The following NOL4 variants were observed in gnomAD, a reference collection of about 807,000 sequenced individuals.
NOL4 encodes cancer/testis antigen 125.
NOL4 carries 17 observed loss-of-function variants against 75.9 expected under a neutral mutation model. The observed-to-expected ratio is 0.22, with a 90% CI of 0.15 to 0.34. NOL4 has a LOEUF of 0.34. Among genes scored for constraint, NOL4 ranks in the 10% least tolerant of loss-of-function variants. The pLI, the probability that NOL4 is intolerant of heterozygous loss-of-function variation, is 1.00. For synonymous variants in NOL4, 292 were observed against 289.9 expected (o/e 1.01, Z -0.07); for missense variants, 614 against 793.5 (o/e 0.77, Z 2.72).
At chr18:34,066,454 T>A (rs2077278156) in intron 5 of NOL4, among the ~76,000 whole-genome samples, 1 of 151,978 alleles carries the variant, frequency 6.6e-6, no homozygotes, top group African/African-American at 2.4e-5. Context: ...TTAAATTTGC[T>A]ATGAAGAGAA....
chr18:34,153,888 T>C (rs2029874095), intron 1 of NOL4, among the ~76,000 whole-genome samples: 1 of 151,918 alleles, frequency 6.6e-6, no homozygotes, highest in African/African-American at 2.4e-5. Flanking sequence ...CAGCAGGAAG[T>C]AAAAGTGAAA....
At chr18:33,950,220 A>ATT (rs566082010) in intron 8 of NOL4, among the ~76,000 whole-genome samples, 1 of 150,984 alleles carries the variant, frequency 6.6e-6, no homozygotes, top group African/African-American at 2.4e-5. Context: ...ATCAAGTGTA[A>ATT]TTTTTTTTTA....
intron 5 of NOL4, among the ~76,000 whole-genome samples, chr18:34,040,103 T>C (rs1285949230): frequency 6.6e-6 from 1 of 151,978 alleles, no homozygotes; most frequent in Non-Finnish European, 1.5e-5. Flanking sequence ...TGCAATCACA[T>C]TGTAAGTTGA....
chr18:33,974,759 A>G (rs1467115928), intron 6 of NOL4, among the ~76,000 whole-genome samples: 1 of 151,766 alleles, frequency 6.6e-6, no homozygotes, highest in Non-Finnish European at 1.5e-5. Flanking sequence ...TAAATTTGCA[A>G]AAAAAAAATT....
chr18:34,165,997 T>C (rs2032286266), intron 1 of NOL4, among the ~76,000 whole-genome samples: 1 of 152,050 alleles, frequency 6.6e-6, no homozygotes, highest in Non-Finnish European at 1.5e-5. Flanking sequence ...AGAATAAAAA[T>C]TTACAAAATA....
intron 10 of NOL4, among the ~76,000 whole-genome samples, chr18:33,871,227 G>C (rs948873284): frequency 6.6e-6 from 1 of 151,994 alleles, no homozygotes; most frequent in Non-Finnish European, 1.5e-5. Context: ...AGGGAAAAAC[G>C]AAGACACATT....
chr18:33,966,709 C>CA (rs1191600697), intron 6 of NOL4, among the ~76,000 whole-genome samples: 4 of 151,768 alleles, frequency 2.6e-5, no homozygotes, highest in Non-Finnish European at 4.4e-5. Flanking sequence ...AGCTGAGAGC[C>CA]AAATCAAGAA....
chr18:34,210,228 C>T (rs917375447), intron 1 of NOL4, among the ~76,000 whole-genome samples: 1 of 152,136 alleles, frequency 6.6e-6, no homozygotes, highest in Non-Finnish European at 1.5e-5. Flanking sequence ...AAGTGTATAA[C>T]CCTTCCAAGA....
intron 9 of NOL4, among the ~76,000 whole-genome samples, chr18:33,930,101 G>A (rs532126336): frequency 6.6e-6 from 1 of 152,164 alleles, no homozygotes; most frequent in South Asian, 2.1e-4. Flanking sequence ...TACTAAATAT[G>A]ATATTATGTG....
chr18:34,013,327 G>A (rs1332308011), intron 6 of NOL4, among the ~76,000 whole-genome samples: 2 of 151,518 alleles, frequency 1.3e-5, no homozygotes, highest in African/African-American at 4.8e-5. Flanking sequence ...ACCTTACTAA[G>A]GCAAGTCTTA....
chr18:33,901,027 T>A (rs1375204758), intron 9 of NOL4, among the ~76,000 whole-genome samples: 3 of 152,198 alleles, frequency 2.0e-5, no homozygotes, highest in African/African-American at 4.8e-5. Flanking sequence ...TGCAAGTTCA[T>A]GTGAATTTAG....
intron 1 of NOL4, among the ~76,000 whole-genome samples, chr18:34,190,630 A>G (rs891130226): frequency 2.0e-5 from 3 of 151,900 alleles, no homozygotes; most frequent in African/African-American, 4.8e-5. Flanking sequence ...TAAATTGAGT[A>G]GAACAGGTCA....
At position 33,912,056 on chromosome 18, in the gene NOL4, TA is replaced by T. The variant is rs1480752913; in HGVS notation, c.1543-28633del. Among the ~76,000 whole-genome samples the T allele has an allele frequency of 2.0e-5, 3 of 152,228 alleles. No homozygotes were observed. In the East Asian group the frequency reaches 5.8e-4, roughly 29 times the overall value. Reference sequence around the variant, plus strand: ...ACTTTAGTCAATTCTCTTATTTTCATATTTGTATAAGTCAATTCTCTATAAT... The same window carrying T: ...ACTTTAGTCAATTCTCTTATTTTCATTTTGTATAAGTCAATTCTCTATAAT... On this transcript the variant is annotated intron_variant, in intron 9 of 10. Transcript: ENST00000261592.
chr18:33,994,712 G>T (rs1233171259), intron 6 of NOL4, among the ~76,000 whole-genome samples: 3 of 151,518 alleles, frequency 2.0e-5, no homozygotes, highest in East Asian at 1.9e-4. Flanking sequence ...ATCAAAAACT[G>T]AAAATTCCAC....
chr18:34,023,541 T>C (rs2075162065), intron 5 of NOL4: 1 of 454,812 alleles, frequency 2.2e-6, no homozygotes, highest in African/African-American at 2.0e-5. Context: ...GCGGTGGTTC[T>C]TCTCTCAAGG....
intron 7 of NOL4, 70 bp from the exon 8 acceptor site, chr18:33,957,587 T>G (rs1682535014): frequency 9.2e-6 from 11 of 1,200,374 alleles, no homozygotes; most frequent in Non-Finnish European, 1.3e-5. Flanking sequence ...GCTTCCTGTC[T>G]TGATTACCGA....
At chr18:33,935,957 A>G (rs1355763114) in intron 9 of NOL4, among the ~76,000 whole-genome samples, 1 of 152,160 alleles carries the variant, frequency 6.6e-6, no homozygotes, top group Non-Finnish European at 1.5e-5. Flanking sequence ...GGCCATAGAA[A>G]TAAGTTTCAA....
chr18:34,005,560 T>A (rs757625982), intron 6 of NOL4, among the ~76,000 whole-genome samples: 1 of 152,044 alleles, frequency 6.6e-6, no homozygotes, highest in Non-Finnish European at 1.5e-5. Context: ...TGAAACTCCA[T>A]AATCTCAAAA....
intron 5 of NOL4, among the ~76,000 whole-genome samples, chr18:34,062,206 T>TA (rs1050672081): frequency 5.3e-5 from 8 of 151,264 alleles, no homozygotes; most frequent in South Asian, 2.1e-4. Context: ...CACTGAACTT[T>TA]AAAAAAAAAG....
Sources: allele counts gnomAD v4.1 joint callset (sites outside exome capture counted in the v4.1 genomes callset), GRCh38; gene constraint gnomAD v4.1.1; transcripts MANE v1.5; gene names NCBI Gene and HGNC (gene_info 2026-07-23, HGNC 2026-07-21).